Variants in PCDH15 observed in about 807,000 individuals in gnomAD.
The protein encoded by PCDH15 is protocadherin-15.
In PCDH15, 129 loss-of-function variants were observed where a neutral mutation model predicts 178.5. The ratio of observed to expected loss-of-function variants is 0.72; its 90% CI spans 0.63 to 0.84. The LOEUF is 0.84. PCDH15 is among the 40% of genes least tolerant of loss of function. PCDH15 has a pLI of 0.00. For missense variants in PCDH15, 2,230 were observed against 2,099.9 expected (o/e 1.06, Z -1.21); for synonymous variants, 800 against 732.0 (o/e 1.09, Z -1.50).
At chr10:54,704,250 G>A (rs183159753) in intron 1 of PCDH15, among the ~76,000 whole-genome samples, 77 of 152,188 alleles carry the variant, frequency 5.1e-4, no homozygotes, top group Middle Eastern at 3.4e-3. Context: ...TGACAACCGG[G>A]ACATAATTTA....
intron 2 of PCDH15, among the ~76,000 whole-genome samples, chr10:54,623,869 A>G (rs2093463094): frequency 6.6e-6 from 1 of 152,090 alleles, no homozygotes. Flanking sequence ...ACTCGCTTTG[A>G]TCTGTGTTGT....
rs758620408 is a variant in PCDH15 at position 53,831,518 on chromosome 10, T to C, written c.3999A>G (p.Lys1333=). The C allele has an allele frequency of 1.2e-6, 2 of 1,613,534 alleles. No homozygotes were observed. The highest frequency in any genetic ancestry group is 1.7e-6 in the Non-Finnish European group (2 of 1,179,574). ...GAAAGTCTTTATTGATATCAAGTAGTTTGCCATCCAAAAATCTTTATTGTT... is the reference window on the plus strand; with the variant it reads ...GAAAGTCTTTATTGATATCAAGTAGCTTGCCATCCAAAAATCTTTATTGTT... ...RNELFKFLDG[K]LLDINKDFQP... is the part of the protein sequence containing the mutation. Residue 1333 remains lysine, a synonymous_variant, in exon 30 of 38, where the codon AAA becomes AAG. Coordinates refer to ENST00000644397, the MANE Select transcript of PCDH15 (RefSeq NM_001384140.1).
At chr10:54,192,197 A>G (rs540789599) in intron 11 of PCDH15, among the ~76,000 whole-genome samples, 47 of 139,792 alleles carry the variant, frequency 3.4e-4, no homozygotes, top group African/African-American at 1.3e-3. Context: ...AAAGAAAGGA[A>G]AGAAGGAAGG....
intron 2 of PCDH15, among the ~76,000 whole-genome samples, chr10:54,918,973 G>A (rs1837415649): frequency 6.6e-6 from 1 of 152,134 alleles, no homozygotes; most frequent in African/African-American, 2.4e-5. Flanking sequence ...CAACTTGCCA[G>A]AGTATCATAT....
At chr10:54,428,788 A>T (rs896295813) in intron 3 of PCDH15, among the ~76,000 whole-genome samples, 6 of 152,366 alleles carry the variant, frequency 3.9e-5, no homozygotes, top group Admixed American at 3.3e-4. Flanking sequence ...GGGTGGCATG[A>T]CACATATAAA....
At chr10:55,314,011 A>G (rs1170843245) in intron 1 of PCDH15, among the ~76,000 whole-genome samples, 2 of 152,010 alleles carry the variant, frequency 1.3e-5, no homozygotes, top group African/African-American at 4.8e-5. Flanking sequence ...TTTAGGGTAA[A>G]GCAAATTTAG....
intron 1 of PCDH15, among the ~76,000 whole-genome samples, chr10:55,207,269 T>A (rs1840428163): frequency 6.6e-6 from 1 of 152,120 alleles, no homozygotes; most frequent in Non-Finnish European, 1.5e-5. Context: ...GTATGCCATA[T>A]GTTGAGACAC....
In PCDH15 at chr10:53,810,614, C is replaced by A. The variant is rs866521047; in HGVS notation, c.4613G>T (p.Gly1538Val). Residue 1538 changes from glycine to valine, a missense_variant, in exon 37 of 38, where the codon GGA (glycine) becomes GTA (valine). Coordinates refer to ENST00000644397, the MANE Select transcript of PCDH15 (RefSeq NM_001384140.1). ...AACCACCTCACCATATTCCTCCTGT[C>A]CAGCTGGTGGTAACAATCGACGGCG... Reference protein sequence around the residue: ...GSRRRLLPPAGQEEYGEVVGE... With the variant: ...GSRRRLLPPAVQEEYGEVVGE... 3 of 1,613,862 alleles carry A rather than the reference C, an allele frequency of 1.9e-6. No homozygotes were observed. The South Asian group carries it at 3.3e-5, about 18-fold the overall frequency.
At chr10:54,146,181 A>G (rs1649762830) in intron 14 of PCDH15, among the ~76,000 whole-genome samples, 1 of 152,056 alleles carries the variant, frequency 6.6e-6, no homozygotes, top group Non-Finnish European at 1.5e-5. Flanking sequence ...TACATTTGTC[A>G]CTAGTAAAAT....
intron 5 of PCDH15, among the ~76,000 whole-genome samples, chr10:54,350,755 G>A (rs1429005565): frequency 6.6e-6 from 1 of 152,236 alleles, no homozygotes; most frequent in African/African-American, 2.4e-5. Flanking sequence ...GGCTGAGGCA[G>A]GAGGATTGCT....
intron 3 of PCDH15, among the ~76,000 whole-genome samples, chr10:54,438,210 G>A (rs1259455255): frequency 6.7e-6 from 1 of 149,498 alleles, no homozygotes; most frequent in Non-Finnish European, 1.5e-5. Flanking sequence ...GGCTCCATTA[G>A]GATTGTAATG....
At chr10:54,164,799 G>T (rs2046052908) in intron 13 of PCDH15, among the ~76,000 whole-genome samples, 1 of 151,806 alleles carries the variant, frequency 6.6e-6, no homozygotes, top group Non-Finnish European at 1.5e-5. Flanking sequence ...AGATGACTTA[G>T]AAGTCATAAG....
At chr10:54,084,869 C>T (rs1420279944) in intron 16 of PCDH15, among the ~76,000 whole-genome samples, 2 of 152,140 alleles carry the variant, frequency 1.3e-5, no homozygotes, top group Non-Finnish European at 2.9e-5. Flanking sequence ...AGATTTATCA[C>T]ATTGCTTTTG....
intron 8 of PCDH15, among the ~76,000 whole-genome samples, chr10:54,298,197 C>G (rs182490463): frequency 3.9e-5 from 6 of 152,264 alleles, no homozygotes; most frequent in Admixed American, 3.3e-4. Flanking sequence ...GAAATACACT[C>G]CACTGTCAAC....
chr10:55,160,445 C>CT (rs540917682), intron 2 of PCDH15, among the ~76,000 whole-genome samples: 49 of 151,892 alleles, frequency 3.2e-4, no homozygotes, highest in Admixed American at 2.1e-3. Context: ...CCAAATAATG[C>CT]TTTTTTTGGT....
chr10:55,257,326 C>T (rs557388187), intron 1 of PCDH15, among the ~76,000 whole-genome samples: 2 of 152,252 alleles, frequency 1.3e-5, no homozygotes, highest in East Asian at 3.9e-4. Flanking sequence ...CTCTCCTCCT[C>T]CAAAGGAACA....
intron 1 of PCDH15, among the ~76,000 whole-genome samples, chr10:54,779,917 T>C (rs1428607698): frequency 6.6e-6 from 1 of 152,114 alleles, no homozygotes; most frequent in Non-Finnish European, 1.5e-5. Context: ...TATGATTAAA[T>C]TGGCCACTAT....
chr10:54,356,624 A>G (rs1376847341), intron 5 of PCDH15, among the ~76,000 whole-genome samples: 1 of 151,954 alleles, frequency 6.6e-6, no homozygotes, highest in Non-Finnish European at 1.5e-5. Context: ...CTATTTATCA[A>G]TTAGTAAGAG....
chr10:55,275,197 C>A (rs1199249388), intron 1 of PCDH15, among the ~76,000 whole-genome samples: 1 of 151,896 alleles, frequency 6.6e-6, no homozygotes, highest in African/African-American at 2.4e-5. Flanking sequence ...CAAATTTATT[C>A]ATTCATAAGA....
Sources: allele counts gnomAD v4.1 joint callset (sites outside exome capture counted in the v4.1 genomes callset), GRCh38; gene constraint gnomAD v4.1.1; transcripts MANE v1.5; gene names NCBI Gene and HGNC (gene_info 2026-07-23, HGNC 2026-07-21).